ZFYVE9: variants seen among roughly 807,000 people sequenced by gnomAD.
The protein encoded by ZFYVE9 is zinc finger FYVE-type containing 9, also known as zinc finger FYVE domain-containing protein 9.
A neutral mutation model predicts 126.7 loss-of-function variants in ZFYVE9; 43 were observed. That is an observed-to-expected ratio of 0.34 (90% CI 0.27 to 0.44). ZFYVE9 has a LOEUF of 0.44. Ranked by LOEUF, ZFYVE9 falls within the 20% of genes least tolerant of loss-of-function variation. ZFYVE9 has a pLI of 1.00. For synonymous variants in ZFYVE9, 521 were observed against 597.4 expected, an observed-to-expected ratio of 0.87 and a Z score of 1.87; for missense variants, 1,476 against 1,697.0, an observed-to-expected ratio of 0.87 and a Z score of 2.29.
At chr1:52,174,552 G>A (rs1644606086) in intron 1 of ZFYVE9, among the ~76,000 whole-genome samples, 1 of 150,882 alleles carries the variant, frequency 6.6e-6, no homozygotes, top group Admixed American at 6.6e-5. Context: ...CAATTCCTGG[G>A]TATCCTTGTT....
intron 13 of ZFYVE9, among the ~76,000 whole-genome samples, chr1:52,316,094 G>A (rs1376953755): frequency 7.4e-6 from 1 of 134,962 alleles, no homozygotes; most frequent in African/African-American, 2.6e-5. Context: ...GAACCCAGAA[G>A]GCAGAGGTTG....
At chr1:52,230,236 G>A (rs1201133691) in intron 2 of ZFYVE9, among the ~76,000 whole-genome samples, 4 of 152,096 alleles carry the variant, frequency 2.6e-5, no homozygotes, top group Admixed American at 6.6e-5. Context: ...AGCGAGAGGG[G>A]TTCCTGTTAA....
chr1:52,254,267 AC>A (rs548695923), intron 4 of ZFYVE9: 82 of 218,522 alleles, frequency 3.8e-4, no homozygotes, highest in Non-Finnish European at 5.3e-4. Flanking sequence ...ATTGAAAAAA[AC>A]ATCAGTTATT....
At chr1:52,263,516 G>A (rs1645601426) in intron 4 of ZFYVE9, among the ~76,000 whole-genome samples, 1 of 152,066 alleles carries the variant, frequency 6.6e-6, no homozygotes, top group East Asian at 1.9e-4. Context: ...TTTCCCCACT[G>A]CTGTATATTT....
intron 1 of ZFYVE9, chr1:52,150,520 G>C (rs202125629): frequency 4.6e-4 from 70 of 152,196 alleles, no homozygotes; most frequent in African/African-American, 1.5e-3. Context: ...TAATCCCAAC[G>C]CTTTGGGAGG....
At chr1:52,184,335 C>T (rs1644744207) in intron 1 of ZFYVE9, among the ~76,000 whole-genome samples, 1 of 148,040 alleles carries the variant, frequency 6.8e-6, no homozygotes, top group Admixed American at 6.8e-5. Flanking sequence ...AGTGATTCTT[C>T]TGTACCTCAG....
intron 13 of ZFYVE9, among the ~76,000 whole-genome samples, chr1:52,332,016 G>A (rs569503996): frequency 6.6e-6 from 1 of 151,816 alleles, no homozygotes; most frequent in African/African-American, 2.4e-5. Context: ...TCCTGACCTC[G>A]TGATCCGCCT....
chr1:52,289,135 T>C (rs565908370), intron 10 of ZFYVE9, among the ~76,000 whole-genome samples: 63 of 152,262 alleles, frequency 4.1e-4, no homozygotes, highest in African/African-American at 7.9e-4. Flanking sequence ...AAAAACAGTT[T>C]AAATTCCAAA....
intron 1 of ZFYVE9, among the ~76,000 whole-genome samples, chr1:52,148,827 C>T (rs1293137356): frequency 6.6e-6 from 1 of 150,778 alleles, no homozygotes; most frequent in Non-Finnish European, 1.5e-5. Context: ...ATTTTAGTAG[C>T]GACGGGATTT....
At chr1:52,278,977 G>A (rs1569657027) in intron 9 of ZFYVE9, among the ~76,000 whole-genome samples, 1 of 151,920 alleles carries the variant, frequency 6.6e-6, no homozygotes, top group Admixed American at 6.6e-5. Context: ...CTGACCTGGT[G>A]ATCCGCCCGC....
chr1:52,219,753 G>T (rs1019152844), intron 2 of ZFYVE9, among the ~76,000 whole-genome samples: 1 of 62,928 alleles, frequency 1.6e-5, no homozygotes, highest in African/African-American at 7.4e-5. Context: ...GATCTTTTGT[G>T]TGTGTGTGTG....
At chr1:52,225,645 G>A (rs960559524) in intron 2 of ZFYVE9, among the ~76,000 whole-genome samples, 27 of 152,052 alleles carry the variant, frequency 1.8e-4, no homozygotes, top group African/African-American at 6.3e-4. Context: ...AAGGGGTGGC[G>A]GTAAAGAAGA....
intron 16 of ZFYVE9, among the ~76,000 whole-genome samples, 195 bp from the exon 17 acceptor site, chr1:52,339,931 T>C (rs957208293): frequency 6.6e-6 from 1 of 152,234 alleles, no homozygotes. Flanking sequence ...TTTCAGTGCA[T>C]AGATTCTTTC....
At chr1:52,331,522 G>T (rs546454904) in intron 13 of ZFYVE9, among the ~76,000 whole-genome samples, 1 of 151,262 alleles carries the variant, frequency 6.6e-6, no homozygotes, top group African/African-American at 2.4e-5. Context: ...GGAGGCTGAG[G>T]TGGGCGGATC....
rs556610542 is a variant in ZFYVE9, at chr1:52,157,595, G to T, written c.-143+15192G>T. On this transcript the variant is annotated intron_variant, in intron 1 of 18. Transcript: ENST00000287727. ...TTTTGTATTTTTAGTAGAGACGGGG[G>T]TTTTCACTATGTTGGCCAGGCTGGT... Among the ~76,000 whole-genome samples, 639 of 151,306 alleles carry T rather than the reference G, an allele frequency of 4.2e-3. 1 individual carries two copies. Among genetic ancestry groups the T allele is most frequent in the Middle Eastern group, 6.8e-3 (2 of 292 alleles).
Position 52,346,315 on chromosome 1 carries a change from G to T in ZFYVE9, c.*94G>T. 104 of 495,636 alleles carry T rather than the reference G, an allele frequency of 2.1e-4. No homozygotes were observed. The highest frequency in any genetic ancestry group is 3.1e-4 in the Non-Finnish European group (96 of 307,600). 30.7% of individuals were successfully genotyped at this position (495,636 alleles called of 1,614,324 possible). A position where few individuals can be genotyped will look rare whatever the true frequency, so the allele number is the denominator to read the frequency against. ...TTTAAAACTGGAAGATTAAGCTTTT[G>T]TTAACACTATTAATGGGGTGGGGAA... On this transcript the variant is annotated 3_prime_UTR_variant, in exon 19 of 19. Transcript: ENST00000287727.
intron 17 of ZFYVE9, among the ~76,000 whole-genome samples, chr1:52,342,284 GAGAC>G (rs1646444382): frequency 1.9e-5 from 1 of 52,740 alleles, no homozygotes; most frequent in Non-Finnish European, 4.0e-5. Context: ...TTTTTTTTTT[GAGAC>G]AGAGTCTCGC....
In ZFYVE9 at chr1:52,239,359, C is replaced by T; in HGVS notation, c.1942C>T (p.His648Tyr). 6.2e-7 allele frequency: 1 copy of T among 1,612,762 alleles called. No individual in the cohort carries two copies. The highest frequency in any genetic ancestry group is 8.5e-7 in the Non-Finnish European group (1 of 1,179,524). ...CTCTAATGTCGATACAAATGGGGAA[C>T]ATTTAGAAAGTTATGAGGCTGAGAT... is the stretch of plus-strand genomic sequence containing the variant. ...NISNVDTNGE[H>Y]LESYEAEIST... The change falls in exon 4 of 19, where the codon CAT becomes TAT. Residue 648 changes from histidine to tyrosine, a missense_variant. Around this residue, in one of 2 missense-constraint regions of ZFYVE9, gnomAD observed 807 missense variants for 794.6 expected, o/e 1.02. Coordinates refer to ENST00000287727, the MANE Select transcript of ZFYVE9 (RefSeq NM_004799.4).
intron 1 of ZFYVE9, among the ~76,000 whole-genome samples, chr1:52,191,460 A>G (rs538274780): frequency 6.6e-6 from 1 of 152,118 alleles, no homozygotes; most frequent in Non-Finnish European, 1.5e-5. Flanking sequence ...TCATGAAGTG[A>G]CTTGTCTGGT....
Sources: allele counts gnomAD v4.1 joint callset (sites outside exome capture counted in the v4.1 genomes callset), GRCh38; gene constraint gnomAD v4.1.1; regional missense constraint gnomAD v4.1.1; transcripts MANE v1.5; gene names NCBI Gene and HGNC (gene_info 2026-07-23, HGNC 2026-07-21).